Variants in CACNA2D3 observed in about 807,000 individuals in gnomAD.
CACNA2D3 encodes the protein voltage-dependent calcium channel subunit alpha-2/delta-3.
A neutral mutation model predicts 160.6 loss-of-function variants in CACNA2D3; 60 were observed. That is an observed-to-expected ratio of 0.37 (90% CI 0.30 to 0.46). The LOEUF is 0.46. Among genes scored for constraint, CACNA2D3 ranks in the 20% least tolerant of loss-of-function variants. CACNA2D3 has a pLI of 1.00. For synonymous variants in CACNA2D3, 558 were observed against 492.9 expected (o/e 1.13, Z -1.75); for missense variants, 1,205 against 1,365.0 (o/e 0.88, Z 1.85).
intron 4 of CACNA2D3, among the ~76,000 whole-genome samples, chr3:54,501,838 T>G (rs923425705): frequency 6.6e-6 from 1 of 152,226 alleles, no homozygotes; most frequent in African/African-American, 2.4e-5. Flanking sequence ...TTCCTTCATT[T>G]TTGTTTGCCT....
chr3:54,250,777 A>G (rs148829312), intron 2 of CACNA2D3, among the ~76,000 whole-genome samples: 3 of 152,136 alleles, frequency 2.0e-5, no homozygotes, highest in Non-Finnish European at 4.4e-5. Flanking sequence ...TAAGCATGCA[A>G]CTCCTAGGGG....
intron 13 of CACNA2D3, among the ~76,000 whole-genome samples, chr3:54,779,967 C>G (rs1702501268): frequency 6.6e-6 from 1 of 152,080 alleles, no homozygotes; most frequent in South Asian, 2.1e-4. Context: ...GAGTAAGTAC[C>G]CAGGATGAAT....
intron 9 of CACNA2D3, among the ~76,000 whole-genome samples, chr3:54,622,677 C>T (rs535627049): frequency 6.6e-6 from 1 of 152,024 alleles, no homozygotes; most frequent in South Asian, 2.1e-4. Flanking sequence ...ATAACAATTT[C>T]TGGATCTTAC....
At chr3:54,553,621 T>C (rs560506836) in intron 5 of CACNA2D3, among the ~76,000 whole-genome samples, 1 of 152,364 alleles carries the variant, frequency 6.6e-6, no homozygotes, top group Admixed American at 6.5e-5. Context: ...TCTAATTCTG[T>C]GTTAGCTTAT....
intron 11 of CACNA2D3, among the ~76,000 whole-genome samples, chr3:54,743,487 G>C (rs182872567): frequency 6.6e-6 from 1 of 152,146 alleles, no homozygotes; most frequent in African/African-American, 2.4e-5. Context: ...TAGGAGTTTA[G>C]AATGTATTCC....
intron 35 of CACNA2D3, among the ~76,000 whole-genome samples, chr3:55,025,634 CAAAAA>C (rs10717273): frequency 1.7e-4 from 11 of 63,280 alleles, no homozygotes; most frequent in African/African-American, 5.6e-4. Context: ...ACTCTATCTC[CAAAAA>C]AAAAAAAAAA....
intron 11 of CACNA2D3, among the ~76,000 whole-genome samples, chr3:54,720,047 A>ATC (rs1018121762): frequency 4.6e-5 from 7 of 151,820 alleles, no homozygotes; most frequent in Non-Finnish European, 8.8e-5. Context: ...TTCTAAATCC[A>ATC]TCTTGCTTAA....
intron 27 of CACNA2D3, among the ~76,000 whole-genome samples, chr3:54,938,888 A>G (rs1007072127): frequency 1.3e-5 from 2 of 152,122 alleles, no homozygotes; most frequent in African/African-American, 4.8e-5. Flanking sequence ...TGCCATGGGC[A>G]GTGGACATGC....
At chr3:54,568,828 C>G (rs1163198663) in intron 6 of CACNA2D3, among the ~76,000 whole-genome samples, 1 of 152,172 alleles carries the variant, frequency 6.6e-6, no homozygotes, top group African/African-American at 2.4e-5. Context: ...TCAAGGTTAT[C>G]TGTGTGATAA....
At chr3:54,757,982 G>C (rs1702005930) in intron 12 of CACNA2D3, among the ~76,000 whole-genome samples, 1 of 152,148 alleles carries the variant, frequency 6.6e-6, no homozygotes, top group African/African-American at 2.4e-5. Flanking sequence ...CTTCATTTGA[G>C]GTAATCTAGG....
chr3:54,822,373 C>T (rs1254218090), intron 14 of CACNA2D3, among the ~76,000 whole-genome samples: 1 of 152,202 alleles, frequency 6.6e-6, no homozygotes, highest in African/African-American at 2.4e-5. Flanking sequence ...TGAGTGATGG[C>T]ATATTGCCCA....
intron 2 of CACNA2D3, among the ~76,000 whole-genome samples, chr3:54,289,638 C>T (rs145125532): frequency 6.0e-4 from 91 of 152,320 alleles, no homozygotes; most frequent in African/African-American, 1.8e-3. Flanking sequence ...GGAAGCATCA[C>T]GCTACCTGAC....
chr3:54,692,703 G>A (rs770035690), intron 11 of CACNA2D3, among the ~76,000 whole-genome samples: 5 of 152,150 alleles, frequency 3.3e-5, no homozygotes, highest in Non-Finnish European at 5.9e-5. Flanking sequence ...CCAGTTACCT[G>A]TATCAACTCA....
chr3:54,930,363 G>C (rs1327083296), intron 27 of CACNA2D3, among the ~76,000 whole-genome samples: 3 of 152,114 alleles, frequency 2.0e-5, no homozygotes, highest in African/African-American at 7.2e-5. Context: ...TTGTCATTCT[G>C]GTCAAAAAGC....
At chr3:54,549,266 G>T (rs1203501861) in intron 5 of CACNA2D3, among the ~76,000 whole-genome samples, 1 of 152,252 alleles carries the variant, frequency 6.6e-6, no homozygotes, top group Non-Finnish European at 1.5e-5. Flanking sequence ...CTAACACGGT[G>T]AAACCCCGTC....
At chr3:54,968,533 G>A in intron 28 of CACNA2D3, 22 bp downstream of exon 28, 1 of 1,588,430 alleles carries the variant, frequency 6.3e-7, no homozygotes, top group African/African-American at 1.3e-5. Flanking sequence ...TCAGCATCTT[G>A]AAGCATTAGC....
intron 9 of CACNA2D3, among the ~76,000 whole-genome samples, chr3:54,596,090 C>T (rs1054135571): frequency 6.6e-6 from 1 of 152,116 alleles, no homozygotes; most frequent in African/African-American, 2.4e-5. Flanking sequence ...CAGCACTCCT[C>T]ATCCCAGGAA....
chr3:54,148,282 G>A (rs1398904556), intron 2 of CACNA2D3, among the ~76,000 whole-genome samples: 1 of 152,254 alleles, frequency 6.6e-6, no homozygotes, highest in African/African-American at 2.4e-5. Context: ...TGGAGGGACA[G>A]GTAGACACAG....
chr3:54,903,042 G>A (rs1465912962), intron 27 of CACNA2D3, among the ~76,000 whole-genome samples: 1 of 152,122 alleles, frequency 6.6e-6, no homozygotes, highest in East Asian at 1.9e-4. Context: ...ACCACAGAAT[G>A]AGTAATTTTT....
Sources: allele counts gnomAD v4.1 joint callset (sites outside exome capture counted in the v4.1 genomes callset), GRCh38; gene constraint gnomAD v4.1.1; transcripts MANE v1.5; gene names NCBI Gene and HGNC (gene_info 2026-07-23, HGNC 2026-07-21).